CHD7: variants seen among roughly 807,000 people sequenced by gnomAD.
The protein encoded by CHD7 is ATP-dependent chromatin remodeler CHD7.
A neutral mutation model predicts 307.3 loss-of-function variants in CHD7; 24 were observed. That is an observed-to-expected ratio of 0.08 (90% confidence interval 0.06 to 0.11). The LOEUF is 0.11. Ranked by LOEUF, CHD7 falls within the 10% of genes least tolerant of loss-of-function variation. CHD7 has a pLI of 1.00. For missense variants in CHD7, 3,106 were observed against 3,727.1 expected (o/e 0.83, Z 4.34); for synonymous variants, 1,363 against 1,349.9 (o/e 1.01, Z -0.21).
In CHD7 at chr8:60,865,375, G is replaced by C; in HGVS notation, c.8436G>C (p.Leu2812Phe). 6.2e-7 allele frequency: 1 copy of C among 1,612,474 alleles called. No homozygotes were observed. The highest frequency in any genetic ancestry group is 1.3e-5 in the African/African-American group (1 of 75,052). ...CGGGCCTGCCCAACGTGTTTGGCTT[G>C]GGCGGGCTGTTGAATAACCCTCTGT... ...GMAGLPNVFGLGGLLNNPLSA... is the reference protein window; with the variant it reads ...GMAGLPNVFGFGGLLNNPLSA... The change falls in exon 38 of 38, where the codon TTG (leucine) becomes TTC (phenylalanine). Residue 2812 changes from leucine to phenylalanine, a missense_variant. Physicochemically the swap from Leu to Phe is conservative, Grantham distance 22. Around this residue, in one of 10 missense-constraint regions of CHD7, gnomAD observed 351 missense variants for 366.2 expected, o/e 0.96. Coordinates refer to ENST00000423902, the MANE Select transcript of CHD7 (RefSeq NM_017780.4). The surrounding 1 kb of genome is among the most constrained non-coding windows in gnomAD (Gnocchi z 4.3).
chr8:60,800,257 C>A, intron 4 of CHD7, 131 bp from the exon 5 acceptor site: 1 of 738,978 alleles, frequency 1.4e-6, no homozygotes, highest in Non-Finnish European at 2.1e-6. Context: ...TGGTCTCGAT[C>A]TCCTGACCTT....
Position 60,821,663 on chromosome 8 carries a change from T to C in CHD7, c.2698-127T>C. The C allele has an allele frequency of 5.9e-6, 4 of 676,944 alleles. No individual in the cohort carries two copies. In the South Asian group the frequency reaches 1.2e-4, roughly 20 times the overall value. 41.9% of individuals were successfully genotyped at this position (676,944 alleles called of 1,614,324 possible). A position where few individuals can be genotyped will look rare whatever the true frequency, so the allele number is the denominator to read the frequency against. ...ATAAACATATATATACACATACATA[T>C]ATATGTATAAACATATATATACACA... is the stretch of plus-strand genomic sequence containing the variant. On this transcript the variant is annotated intron_variant, in intron 9 of 37. Coordinates refer to ENST00000423902, the MANE Select transcript of CHD7 (RefSeq NM_017780.4).
chr8:60,679,238 G>A (rs1481360913), intron 1 of CHD7, among the ~76,000 whole-genome samples, 156 bp downstream of exon 1: 5 of 148,902 alleles, frequency 3.4e-5, no homozygotes, highest in Non-Finnish European at 7.5e-5. Flanking sequence ...GCGGGAGGGG[G>A]CCGGGGCCAG....
rs747972265 is a variant in CHD7 at position 60,742,237 on chromosome 8, G to A, written c.805G>A (p.Val269Ile). The change falls in exon 2 of 38, where the codon GTT becomes ATT. Residue 269 changes from valine (V) to isoleucine (I), a missense_variant. Physicochemically the swap from Val to Ile is conservative, Grantham distance 29. This residue lies in a region of CHD7 where 998 missense variants were observed against 1,004.5 expected (regional missense o/e 0.99). Transcript: ENST00000423902. ...HPSTALHGES[V>I]AHSPRFSPNP... ...CTCTACTGCTCTCCATGGAGAATCC[G>A]TTGCCCACAGTCCCAGATTCTCCCC... 3.4e-5 allele frequency: 55 copies of A among 1,613,666 alleles called. No homozygotes were observed. Among genetic ancestry groups the A allele is most frequent in the African/African-American group, 1.2e-4 (9 of 74,860 alleles).
chr8:60,679,285 C>T (rs998204961), intron 1 of CHD7, among the ~76,000 whole-genome samples: 9 of 147,064 alleles, frequency 6.1e-5, no homozygotes, highest in African/African-American at 1.7e-4. Flanking sequence ...GTGTCGCCGG[C>T]GTCGCCGCCC....
chr8:60,837,597 C>T, intron 17 of CHD7, 71 bp from the exon 18 acceptor site: 1 of 1,298,028 alleles, frequency 7.7e-7, no homozygotes. Context: ...AGGGTTTCAG[C>T]ATATGAATTT....
Position 60,826,990 on chromosome 8 carries a change from T to C in CHD7, c.3379-1673T>C, listed in dbSNP as rs553888177. Among the ~76,000 whole-genome samples, 11 of 152,352 alleles carry C rather than the reference T, an allele frequency of 7.2e-5. No individual in the cohort carries two copies. The South Asian group carries it at 1.0e-3, about 14-fold the overall frequency. ...TCTTACCTGATGTTTTGTGAGACTGTGCATAGTAATCGTGTATTTTTTAAT... is the reference window on the plus strand; with the variant it reads ...TCTTACCTGATGTTTTGTGAGACTGCGCATAGTAATCGTGTATTTTTTAAT... On this transcript the variant is annotated intron_variant, in intron 13 of 37. Coordinates refer to ENST00000423902, the MANE Select transcript of CHD7 (RefSeq NM_017780.4).
intron 31 of CHD7, 138 bp from the exon 32 acceptor site, chr8:60,854,225 C>T (rs1169096695): frequency 1.5e-6 from 1 of 668,804 alleles, no homozygotes; most frequent in Non-Finnish European, 2.5e-6. Flanking sequence ...ACAACAGTGC[C>T]CAATACCATT....
chr8:60,698,733 T>G (rs920688793), intron 1 of CHD7, among the ~76,000 whole-genome samples: 4 of 152,224 alleles, frequency 2.6e-5, no homozygotes, highest in Non-Finnish European at 5.9e-5. Flanking sequence ...GTGTAAAGAT[T>G]TGCAGAGCCT....
intron 1 of CHD7, among the ~76,000 whole-genome samples, chr8:60,679,984 G>T (rs1221129744): frequency 2.0e-5 from 3 of 151,860 alleles, no homozygotes; most frequent in Non-Finnish European, 4.4e-5. Context: ...GAGCGGGGCC[G>T]GGGCGAGCGC....
rs1360274089 is a variant in CHD7 at position 60,742,220 on chromosome 8, C to T, written c.788C>T (p.Ala263Val). 1.9e-6 allele frequency: 3 copies of T among 1,613,924 alleles called. No homozygotes were observed. Among genetic ancestry groups the T allele is most frequent in the Admixed American group, 1.7e-5 (1 of 60,020 alleles). The stretch of plus-strand genomic sequence containing the variant: ...CAGTTCCATCACCACCCCTCTACTG[C>T]TCTCCATGGAGAATCCGTTGCCCAC... ...VQQFHHHPST[A>V]LHGESVAHSP... The change falls in exon 2 of 38, where the codon GCT becomes GTT. Residue 263 changes from alanine to valine, a missense_variant. Physicochemically the swap from Ala to Val is moderately conservative, Grantham distance 64. Coordinates refer to ENST00000423902, the MANE Select transcript of CHD7 (RefSeq NM_017780.4).
In CHD7 at chr8:60,836,775, C is replaced by T. The variant is rs528562683; in HGVS notation, c.3990-42C>T. 1.9e-5 allele frequency: 27 copies of T among 1,420,798 alleles called. No individual in the cohort carries two copies. In the Admixed American group the frequency reaches 2.1e-4, roughly 11 times the overall value. The allele number at this position is 1,420,798 out of a possible 1,614,324, so 88.0% of individuals were successfully genotyped here. A position where few individuals can be genotyped will look rare whatever the true frequency, so the allele number is the denominator to read the frequency against. The stretch of plus-strand genomic sequence containing the variant: ...TTAAAAAAAGGAGCAAGTATGTTGT[C>T]GCTATGCGTCAGGCCTCCTTGTTCA... On this transcript the variant is annotated intron_variant, in intron 16 of 37. Coordinates refer to ENST00000423902, the MANE Select transcript of CHD7 (RefSeq NM_017780.4).
In CHD7 at chr8:60,867,421, ACGCACGCG is replaced by A. The variant is rs1320174671; in HGVS notation, c.*1496_*1503del. On this transcript the variant is annotated 3_prime_UTR_variant, in exon 38 of 38. Transcript: ENST00000423902. ...GGAATTGAAACAGACCCACTTAAGC[ACGCACGCG>A]CGCACGCACGGTCTCAGGAGCTACT... is the stretch of plus-strand genomic sequence containing the variant. The A allele has an allele frequency of 1.3e-5, 2 of 152,388 alleles. No homozygotes were observed. Among genetic ancestry groups the A allele is most frequent in the South Asian group, 2.1e-4 (1 of 4,824 alleles). 9.4% of individuals were successfully genotyped at this position (152,388 alleles called of 1,614,324 possible).
rs531989939 is a variant in CHD7 at position 60,679,076 on chromosome 8, C to G, written c.-181C>G. The G allele has an allele frequency of 4.0e-5, 6 of 151,844 alleles. No individual in the cohort carries two copies. In the East Asian group the frequency reaches 1.2e-3, roughly 30 times the overall value. 9.4% of individuals were successfully genotyped at this position (151,844 alleles called of 1,614,324 possible). A position where few individuals can be genotyped will look rare whatever the true frequency, so the allele number is the denominator to read the frequency against. Reference sequence around the variant, plus strand: ...GCACTAGGCAGCGGAGGAGCCCGACCGACCCGGTGAGCGCGAGAGTTCGCC... The same window carrying G: ...GCACTAGGCAGCGGAGGAGCCCGACGGACCCGGTGAGCGCGAGAGTTCGCC... On this transcript the variant is annotated 5_prime_UTR_variant, in exon 1 of 38. Transcript: ENST00000423902.
chr8:60,715,516 A>G (rs948522246), intron 1 of CHD7, among the ~76,000 whole-genome samples: 1 of 151,912 alleles, frequency 6.6e-6, no homozygotes, highest in Non-Finnish European at 1.5e-5. Context: ...ACAGATTTTC[A>G]CCATGTTGGC....
intron 5 of CHD7, 23 bp from the exon 6 acceptor site, chr8:60,801,505 G>T (rs780277478): frequency 6.5e-7 from 1 of 1,541,906 alleles, no homozygotes; most frequent in Non-Finnish European, 8.8e-7. Flanking sequence ...TATTTGGATT[G>T]ATGCACATGC....
chr8:60,717,684 TA>T (rs1477144850), intron 1 of CHD7, among the ~76,000 whole-genome samples: 24 of 152,288 alleles, frequency 1.6e-4, no homozygotes, highest in African/African-American at 5.3e-4. Flanking sequence ...ATGGGCCACA[TA>T]TACAACAGTG....
chr8:60,755,755 C>T (rs1809861757), intron 2 of CHD7, among the ~76,000 whole-genome samples: 1 of 152,070 alleles, frequency 6.6e-6, no homozygotes, highest in South Asian at 2.1e-4. Context: ...TCCAGGCTGT[C>T]ATGTATGTTC....
chr8:60,815,728 AAC>A (rs1803703682), intron 7 of CHD7, among the ~76,000 whole-genome samples: 3 of 152,138 alleles, frequency 2.0e-5, no homozygotes, highest in South Asian at 4.1e-4. Flanking sequence ...ATCCTGGAGG[AAC>A]ACAGTCTGGG....
Sources: allele counts gnomAD v4.1 joint callset (sites outside exome capture counted in the v4.1 genomes callset), GRCh38; gene constraint gnomAD v4.1.1; regional missense constraint gnomAD v4.1.1; non-coding constraint Gnocchi (gnomAD v3.1); transcripts MANE v1.5; gene names NCBI Gene and HGNC (gene_info 2026-07-23, HGNC 2026-07-21).